Variants in GABRA3 observed in about 807,000 individuals in gnomAD.
The protein encoded by GABRA3 is gamma-aminobutyric acid type A receptor subunit alpha3, also known as gamma-aminobutyric acid receptor subunit alpha-3.
Under a neutral mutation model 30.1 loss-of-function variants are expected in GABRA3, and 10 were observed. The ratio of observed to expected loss-of-function variants is 0.33; its 90% confidence interval spans 0.20 to 0.56. The LOEUF is 0.56. GABRA3 is among the 20% of genes least tolerant of loss of function. The pLI, the probability that GABRA3 is intolerant of heterozygous loss-of-function variation, is 0.89. For synonymous variants in GABRA3, 151 were observed against 146.8 expected (o/e 1.03, Z -0.21); for missense variants, 233 against 392.0 (o/e 0.59, Z 3.42).
chrX:152,185,166 A>C (rs770470193), intron 9 of GABRA3, among the ~76,000 whole-genome samples: 6 of 111,147 alleles, frequency 5.4e-5, no homozygotes, highest in Non-Finnish European at 7.6e-5. Flanking sequence ...TGCACTTCAA[A>C]TTTTTTTCTG....
chrX:152,330,711 A>C, intron 3 of GABRA3, among the ~76,000 whole-genome samples: 1 of 77,563 alleles, frequency 1.3e-5, no homozygotes, highest in East Asian at 5.1e-4. Flanking sequence ...GGGTGCAGGG[A>C]GGGGGGAGGG....
chrX:152,347,057 A>T (rs1010510492), intron 2 of GABRA3, among the ~76,000 whole-genome samples: 3 of 112,248 alleles, frequency 2.7e-5, no homozygotes, highest in Non-Finnish European at 5.6e-5. Flanking sequence ...TTGTCACAGG[A>T]CTGTTCACAA....
At chrX:152,394,412 T>C (rs1346873891) in intron 1 of GABRA3, 3 of 386,207 alleles carry the variant, frequency 7.8e-6, no homozygotes, top group South Asian at 7.0e-5. Context: ...GTTGCAAAAG[T>C]AGACACCATA....
chrX:152,401,708 C>G (rs1929801092), intron 1 of GABRA3, among the ~76,000 whole-genome samples: 1 of 111,164 alleles, frequency 9.0e-6, no homozygotes, highest in Non-Finnish European at 1.9e-5. Flanking sequence ...ACTTTTTGCT[C>G]GAGTTGTTGT....
intron 6 of GABRA3, among the ~76,000 whole-genome samples, chrX:152,212,189 C>G (rs1490047385): frequency 3.0e-5 from 3 of 101,008 alleles, no homozygotes; most frequent in Non-Finnish European, 5.9e-5. Flanking sequence ...GAGGCTGAGG[C>G]AGGAGAATCA....
intron 4 of GABRA3, among the ~76,000 whole-genome samples, chrX:152,281,020 A>C (rs188804533): frequency 1.9e-3 from 211 of 111,050 alleles, no homozygotes; most frequent in African/African-American, 6.4e-3. Context: ...AGGGACTAGA[A>C]GAGAAGGTGG....
chrX:152,214,030 C>A (rs1351235327), intron 6 of GABRA3, among the ~76,000 whole-genome samples: 1 of 110,892 alleles, frequency 9.0e-6, no homozygotes, highest in African/African-American at 3.3e-5. Flanking sequence ...TGCCCAAATA[C>A]GAAACATTGC....
chrX:152,257,328 T>C (rs752326817), intron 4 of GABRA3, among the ~76,000 whole-genome samples: 1 of 111,960 alleles, frequency 8.9e-6, no homozygotes, highest in South Asian at 3.8e-4. Flanking sequence ...AATCTGAGTA[T>C]AACATCTGCC....
At chrX:152,414,053 T>C (rs188031829) in intron 1 of GABRA3, among the ~76,000 whole-genome samples, 1 of 111,402 alleles carries the variant, frequency 9.0e-6, no homozygotes, top group East Asian at 2.8e-4. Flanking sequence ...AAAAGCACTC[T>C]GGAAAATTGT....
intron 5 of GABRA3, among the ~76,000 whole-genome samples, chrX:152,239,718 T>C (rs1437845938): frequency 3.7e-4 from 37 of 99,958 alleles, no homozygotes; most frequent in African/African-American, 1.4e-3. Context: ...TTAGCTCTTC[T>C]TGTTGAATTG....
intron 1 of GABRA3, among the ~76,000 whole-genome samples, chrX:152,403,553 TGTGTGTATGTGCACAC>T (rs1371676837): frequency 1.1e-4 from 7 of 66,074 alleles, no homozygotes; most frequent in Non-Finnish European, 2.4e-4. Flanking sequence ...TGTGCACACG[TGTGTGTATGTGCACAC>T]GTGTGTGTGT....
chrX:152,392,277 T>A, intron 1 of GABRA3: 1 of 387,072 alleles, frequency 2.6e-6, no homozygotes, highest in Non-Finnish European at 5.2e-6. Flanking sequence ...CACAGGAGTC[T>A]GAGCATTTGA....
chrX:152,323,569 T>C (rs1419512556), intron 3 of GABRA3, among the ~76,000 whole-genome samples: 1 of 112,128 alleles, frequency 8.9e-6, no homozygotes, highest in Non-Finnish European at 1.9e-5. Context: ...ATCTCTTTGT[T>C]TTTTCTTCCA....
At chrX:152,282,804 T>C (rs1939222666) in intron 4 of GABRA3, among the ~76,000 whole-genome samples, 1 of 111,642 alleles carries the variant, frequency 9.0e-6, no homozygotes, top group African/African-American at 3.3e-5. Flanking sequence ...TATGTGTTTC[T>C]ACAGAATGCC....
At chrX:152,192,228 G>A (rs1937333628) in intron 8 of GABRA3, among the ~76,000 whole-genome samples, 1 of 111,905 alleles carries the variant, frequency 8.9e-6, no homozygotes, top group South Asian at 3.7e-4. Context: ...CCTTTGGTAC[G>A]CTTCATGGAT....
intron 1 of GABRA3, among the ~76,000 whole-genome samples, chrX:152,391,192 T>C (rs780835297): frequency 8.9e-6 from 1 of 111,922 alleles, no homozygotes; most frequent in East Asian, 2.8e-4. Context: ...CAAACTGTTA[T>C]TCATGATACA....
At chrX:152,212,154 C>T (rs1937635287) in intron 6 of GABRA3, among the ~76,000 whole-genome samples, 2 of 106,558 alleles carry the variant, frequency 1.9e-5, no homozygotes, top group African/African-American at 6.9e-5. Flanking sequence ...CATGGTGGCA[C>T]ATGCCTGTAG....
intron 5 of GABRA3, among the ~76,000 whole-genome samples, chrX:152,232,673 T>TTA (rs1248131661): frequency 1.5e-4 from 16 of 107,433 alleles, no homozygotes; most frequent in Non-Finnish European, 2.3e-4. Context: ...ATATACAGCA[T>TTA]TATATATATA....
intron 1 of GABRA3, among the ~76,000 whole-genome samples, chrX:152,402,682 T>C (rs1487636313): frequency 9.0e-6 from 1 of 111,317 alleles, no homozygotes. Flanking sequence ...ACAACAGATA[T>C]GGAAGTAAAA....
Sources: gnomAD v4.1 joint callset for allele counts (sites outside exome capture counted in the v4.1 genomes callset) on GRCh38, gnomAD v4.1.1 for gene constraint, MANE v1.5 for transcripts, NCBI Gene and HGNC (gene_info 2026-07-23, HGNC 2026-07-21) for gene names.